The following IQGAP2 variants were observed in gnomAD, a reference collection of about 807,000 sequenced individuals.
IQGAP2 encodes the protein IQ motif containing GTPase activating protein 2, also known as ras GTPase-activating-like protein IQGAP2.
A neutral mutation model predicts 201.3 loss-of-function variants in IQGAP2; 173 were observed. The observed-to-expected ratio is 0.86, with a 90% CI of 0.76 to 0.98. The LOEUF (loss-of-function observed/expected upper bound fraction) is 0.98, where lower values mean the gene tolerates loss of function less well. IQGAP2 is among the 50% of genes least tolerant of loss of function. The pLI is 0.00. For missense variants in IQGAP2, 1,687 were observed against 1,864.8 expected, an observed-to-expected ratio of 0.90 and a Z score of 1.76; for synonymous variants, 675 against 673.9, an observed-to-expected ratio of 1.00 and a Z score of -0.03.
chr5:76,609,112 G>C (rs756129369), intron 12 of IQGAP2: 32 of 1,535,588 alleles, frequency 2.1e-5, no homozygotes, highest in Non-Finnish European at 2.8e-5. Context: ...TGTATTCTTA[G>C]AAACGCAGCA....
intron 26 of IQGAP2, 43 bp downstream of exon 26, chr5:76,674,079 T>C: frequency 9.1e-7 from 1 of 1,101,526 alleles, no homozygotes; most frequent in Non-Finnish European, 1.4e-6. Flanking sequence ...CTCCTGGGGG[T>C]ATGAATCAAA....
intron 5 of IQGAP2, among the ~76,000 whole-genome samples, chr5:76,579,047 G>A (rs61014011): frequency 0.069 from 10,480 of 151,782 alleles, 768 homozygotes; most frequent in East Asian, 0.43. Flanking sequence ...ATAAAAGTGA[G>A]TTCCTTGAAA....
chr5:76,629,518 T>G (rs1443455923), intron 14 of IQGAP2, among the ~76,000 whole-genome samples: 4 of 152,206 alleles, frequency 2.6e-5, no homozygotes, highest in African/African-American at 4.8e-5. Flanking sequence ...TACTTTTGAT[T>G]CCTTAGAGCA....
In IQGAP2 at chr5:76,660,643, G is replaced by GT. The variant is rs1743167377; in HGVS notation, c.2529+1982dup. Among the ~76,000 whole-genome samples, 2 of 152,228 alleles carry GT rather than the reference G, an allele frequency of 1.3e-5. 1 individual carries two copies. Among genetic ancestry groups the GT allele is most frequent in the South Asian group, 4.1e-4 (2 of 4,828 alleles). On this transcript the variant is annotated intron_variant, in intron 21 of 35. Coordinates refer to ENST00000274364, the MANE Select transcript of IQGAP2 (RefSeq NM_006633.5). ...TATGAATGCTTGAGGTTTTGTGGGG[G>GT]TTTTTTAAAGCCACTTATCACTAAT...
At chr5:76,662,260 C>A (rs550413311) in intron 21 of IQGAP2, among the ~76,000 whole-genome samples, 1 of 152,192 alleles carries the variant, frequency 6.6e-6, no homozygotes, top group African/African-American at 2.4e-5. Context: ...GCCACCGGCC[C>A]GTCCTCTCTC....
chr5:76,470,537 G>A (rs1163386969), intron 2 of IQGAP2, among the ~76,000 whole-genome samples: 5 of 152,076 alleles, frequency 3.3e-5, no homozygotes, highest in South Asian at 2.1e-4. Context: ...GAATGCTTAC[G>A]GTTCTAAGCT....
chr5:76,518,277 A>G (rs1758459382), intron 2 of IQGAP2, among the ~76,000 whole-genome samples: 1 of 152,192 alleles, frequency 6.6e-6, no homozygotes. Flanking sequence ...AAGATATTTA[A>G]TTGGACTTAC....
At chr5:76,468,643 ATC>A in intron 2 of IQGAP2, among the ~76,000 whole-genome samples, 1 of 152,270 alleles carries the variant, frequency 6.6e-6, no homozygotes, top group East Asian at 1.9e-4. Context: ...AGTCAGATAA[ATC>A]TTTTCAAAAC....
chr5:76,518,738 CA>C (rs1758490015), intron 2 of IQGAP2, among the ~76,000 whole-genome samples: 1 of 151,956 alleles, frequency 6.6e-6, no homozygotes. Flanking sequence ...GACAGGACCA[CA>C]AAAAAGACTC....
rs188935660 is a variant in IQGAP2 at position 76,480,323 on chromosome 5, A to G, written c.146+18654A>G. Among the ~76,000 whole-genome samples, 749 of 152,284 alleles carry G rather than the reference A, an allele frequency of 4.9e-3. 9 individuals are homozygous for G. Among genetic ancestry groups the G allele is most frequent in the African/African-American group, 0.017 (722 of 41,542 alleles). The stretch of plus-strand genomic sequence containing the variant: ...GAGAGGAGGTCCTCTTCTCTCAAAC[A>G]TGGCCCTTCTTTCTCGCAGCCATAC... On this transcript the variant is annotated intron_variant, in intron 2 of 35. Transcript: ENST00000274364.
chr5:76,682,209 A>G (rs1745367252), intron 28 of IQGAP2, among the ~76,000 whole-genome samples: 1 of 152,192 alleles, frequency 6.6e-6, no homozygotes, highest in Non-Finnish European at 1.5e-5. Context: ...GATTTGATGT[A>G]TCTGAATTCT....
Position 76,637,076 on chromosome 5 carries a change from A to G in IQGAP2, c.1823A>G (p.Lys608Arg). The change falls in exon 16 of 36, where the codon AAA becomes AGA. Residue 608 changes from lysine (K) to arginine (R), a missense_variant. Coordinates refer to ENST00000274364, the MANE Select transcript of IQGAP2 (RefSeq NM_006633.5). ...TGGCTCAAACTCAACCTGCACAAAA[A>G]ATATGACTACTATTACAACACTGAT... ...GSWLKLNLHK[K>R]YDYYYNTDSK... 1 of 1,612,110 alleles carries G rather than the reference A, an allele frequency of 6.2e-7. No homozygotes were observed. The highest frequency in any genetic ancestry group is 8.5e-7 in the Non-Finnish European group (1 of 1,178,658).
chr5:76,629,851 C>T (rs900960441), intron 14 of IQGAP2, among the ~76,000 whole-genome samples: 2 of 152,028 alleles, frequency 1.3e-5, no homozygotes, highest in African/African-American at 4.8e-5. Context: ...TAATTTGTTC[C>T]TTGGCAGAAA....
At chr5:76,674,387 G>A in intron 26 of IQGAP2, 90 bp from the exon 27 acceptor site, 1 of 710,658 alleles carries the variant, frequency 1.4e-6, no homozygotes, top group Non-Finnish European at 2.4e-6. Context: ...GGGAAATGTA[G>A]GAGAATATAT....
intron 2 of IQGAP2, among the ~76,000 whole-genome samples, chr5:76,476,248 A>G (rs1376889480): frequency 6.6e-6 from 1 of 152,152 alleles, no homozygotes; most frequent in African/African-American, 2.4e-5. Flanking sequence ...GGAAGGCAGC[A>G]ATTGTGGCAA....
intron 27 of IQGAP2, among the ~76,000 whole-genome samples, chr5:76,675,081 A>T (rs1335484106): frequency 2.0e-5 from 3 of 152,258 alleles, no homozygotes; most frequent in African/African-American, 4.8e-5. Context: ...AATCATTTTT[A>T]AAAAGTTTTC....
In IQGAP2 at chr5:76,627,578, T is replaced by C. The variant is rs1580661162; in HGVS notation, c.1612+78T>C. The C allele has an allele frequency of 3.2e-5, 25 of 774,574 alleles. No homozygotes were observed. In the East Asian group the frequency reaches 5.9e-4, roughly 18 times the overall value. 48.0% of individuals were successfully genotyped at this position (774,574 alleles called of 1,614,324 possible). On this transcript the variant is annotated intron_variant, in intron 14 of 35. Coordinates refer to ENST00000274364, the MANE Select transcript of IQGAP2 (RefSeq NM_006633.5). ...GTGCCTGAAGTCATGTGATTTTTAA[T>C]TTCTGAAAGATTTGGATTCTTACCA...
Position 76,575,709 on chromosome 5 carries a change from C to A in IQGAP2, c.398C>A (p.Thr133Lys). 1 of 1,582,632 alleles carries A rather than the reference C, an allele frequency of 6.3e-7. No individual in the cohort carries two copies. The highest frequency in any genetic ancestry group is 8.6e-7 in the Non-Finnish European group (1 of 1,159,888). The change falls in exon 5 of 36, where the codon ACA (threonine) becomes AAA (lysine). Residue 133 changes from threonine (T) to lysine (K), a missense_variant. Thr to Lys is a moderately conservative substitution (Grantham distance 78). Transcript: ENST00000274364. ...IGLPKIFYPE[T>K]TDVYDRKNIP... Reference sequence around the variant, plus strand: ...GTTTTCCAGATATTTTATCCAGAAACAACAGATGTCTATGATCGGAAAAAC... The same window carrying A: ...GTTTTCCAGATATTTTATCCAGAAAAAACAGATGTCTATGATCGGAAAAAC...
chr5:76,497,631 C>G (rs1757063248), intron 2 of IQGAP2, among the ~76,000 whole-genome samples: 1 of 152,170 alleles, frequency 6.6e-6, no homozygotes, highest in African/African-American at 2.4e-5. Context: ...CTGGGCTCCC[C>G]CTCCTTACAC....
Sources: allele counts gnomAD v4.1 joint callset (sites outside exome capture counted in the v4.1 genomes callset), GRCh38; gene constraint gnomAD v4.1.1; transcripts MANE v1.5; gene names NCBI Gene and HGNC (gene_info 2026-07-23, HGNC 2026-07-21).